Variants in PLCL2 observed in about 807,000 individuals in gnomAD.
PLCL2 encodes the protein phospholipase C like 2, also known as inactive phospholipase C-like protein 2.
PLCL2 carries 4 observed loss-of-function variants against 79.6 expected under a neutral mutation model. The ratio of observed to expected loss-of-function variants is 0.05; its 90% CI spans 0.02 to 0.11. The LOEUF (loss-of-function observed/expected upper bound fraction) is 0.11. Ranked by LOEUF, PLCL2 falls within the 10% of genes least tolerant of loss-of-function variation. The pLI is 1.00. For synonymous variants in PLCL2, 484 were observed against 457.7 expected (o/e 1.06, Z -0.73); for missense variants, 895 against 1,291.0 (o/e 0.69, Z 4.70).
chr3:16,999,351 T>C (rs2064184285), intron 1 of PLCL2, among the ~76,000 whole-genome samples: 1 of 152,208 alleles, frequency 6.6e-6, no homozygotes, highest in South Asian at 2.1e-4. Flanking sequence ...TTTCAACAAA[T>C]CCTAAGTGTT....
intron 1 of PLCL2, among the ~76,000 whole-genome samples, chr3:16,924,973 G>A (rs1246255379): frequency 2.6e-5 from 4 of 151,772 alleles, no homozygotes; most frequent in Non-Finnish European, 4.4e-5. Flanking sequence ...ACCCAGGCTG[G>A]AGTGCAGTGG....
intron 3 of PLCL2, among the ~76,000 whole-genome samples, chr3:17,029,177 G>C (rs1420189262): frequency 1.3e-5 from 2 of 151,848 alleles, no homozygotes; most frequent in Non-Finnish European, 2.9e-5. Flanking sequence ...TGCTTGTAGG[G>C]AGAGAGGGAC....
intron 4 of PLCL2, among the ~76,000 whole-genome samples, chr3:17,056,502 G>A (rs1001981884): frequency 6.6e-6 from 1 of 152,052 alleles, no homozygotes; most frequent in African/African-American, 2.4e-5. Flanking sequence ...GTGAACAAAT[G>A]CATTCTAAGA....
intron 3 of PLCL2, among the ~76,000 whole-genome samples, chr3:17,023,625 A>C (rs534425770): frequency 1.3e-5 from 2 of 152,306 alleles, no homozygotes; most frequent in African/African-American, 4.8e-5. Flanking sequence ...TGTAAGTCAT[A>C]TTAATCCTCC....
rs9833385 is a variant in PLCL2 at position 17,009,129 on chromosome 3, C to T, written c.328-545C>T. On this transcript the variant is annotated intron_variant, in intron 1 of 5. Transcript: ENST00000615277. The surrounding 1 kb of genome is among the most constrained non-coding windows in gnomAD (Gnocchi z 4.0). ...CCTCCCGAGTAGGTGGGATTACAGGCACCCGCCACCATGCCCGGCTAATTT... is the reference window on the plus strand; with the variant it reads ...CCTCCCGAGTAGGTGGGATTACAGGTACCCGCCACCATGCCCGGCTAATTT... 6.6e-6 allele frequency among the ~76,000 whole-genome samples: 1 copy of T among 152,042 alleles called. No individual in the cohort carries two copies. The highest frequency in any genetic ancestry group is 1.5e-5 in the Non-Finnish European group (1 of 68,016).
chr3:16,960,781 A>T (rs1212727773), intron 1 of PLCL2, among the ~76,000 whole-genome samples: 1 of 152,164 alleles, frequency 6.6e-6, no homozygotes, highest in Non-Finnish European at 1.5e-5. Context: ...ACCATTTCCT[A>T]AAAAATATTA....
chr3:17,020,836 GC>G (rs1239462315), intron 3 of PLCL2, among the ~76,000 whole-genome samples: 2 of 152,052 alleles, frequency 1.3e-5, no homozygotes, highest in Non-Finnish European at 2.9e-5. Flanking sequence ...AGAAATGTTG[GC>G]AGTTGACATG....
chr3:16,933,492 C>T (rs986095830), intron 1 of PLCL2, among the ~76,000 whole-genome samples: 1 of 152,228 alleles, frequency 6.6e-6, no homozygotes, highest in Non-Finnish European at 1.5e-5. Context: ...CCCATTTTGA[C>T]TTCACCCACT....
intron 1 of PLCL2, among the ~76,000 whole-genome samples, chr3:16,951,396 A>G (rs543447294): frequency 1.3e-4 from 20 of 152,142 alleles, no homozygotes; most frequent in Non-Finnish European, 2.6e-4. Flanking sequence ...TAATAATTCT[A>G]TCCTTTTTCT....
At chr3:16,947,011 A>C (rs2063607595) in intron 1 of PLCL2, among the ~76,000 whole-genome samples, 1 of 127,078 alleles carries the variant, frequency 7.9e-6, no homozygotes, top group South Asian at 2.5e-4. Flanking sequence ...GCTGGAGTGC[A>C]GTGGCACGGT....
rs1467064602 is a variant in PLCL2 at position 16,895,105 on chromosome 3, T to TAGATATAGATATATGTTGAAA, written c.327+9739_327+9740insAGATATAGATATATGTTGAAA. Among the ~76,000 whole-genome samples the TAGATATAGATATATGTTGAAA allele has an allele frequency of 2.6e-3, 369 of 142,698 alleles. 1 individual carries two copies. Among genetic ancestry groups the TAGATATAGATATATGTTGAAA allele is most frequent in the African/African-American group, 8.7e-3 (349 of 40,304 alleles). The allele number at this position is 142,698 out of a possible 152,430, so 93.6% of individuals were successfully genotyped here. A position where few individuals can be genotyped will look rare whatever the true frequency, so the allele number is the denominator to read the frequency against. Reference sequence around the variant, plus strand: ...ATATATGTTGAAACATGTATCTATATCGATATAGATATATGTTGAAACATG... The same window carrying TAGATATAGATATATGTTGAAA: ...ATATATGTTGAAACATGTATCTATATAGATATAGATATATGTTGAAACGATATAGATATATGTTGAAACATG... On this transcript the variant is annotated intron_variant, in intron 1 of 5. Transcript: ENST00000615277.
intron 1 of PLCL2, among the ~76,000 whole-genome samples, chr3:16,888,006 C>T (rs961012195): frequency 1.3e-5 from 2 of 151,858 alleles, no homozygotes; most frequent in Admixed American, 6.6e-5. Flanking sequence ...GAACTGAGGC[C>T]GGTATTTATG....
At chr3:16,970,872 G>A (rs1263453252) in intron 1 of PLCL2, among the ~76,000 whole-genome samples, 26 of 150,748 alleles carry the variant, frequency 1.7e-4, no homozygotes, top group Non-Finnish European at 3.1e-4. Context: ...TTTGAGAAGT[G>A]TCTGTTCATG....
chr3:17,012,163 G>A lies in PLCL2; in HGVS notation c.2814+3G>A. The A allele has an allele frequency of 6.2e-7, 1 of 1,602,174 alleles. No individual in the cohort carries two copies. The highest frequency in any genetic ancestry group is 8.5e-7 in the Non-Finnish European group (1 of 1,172,892). On this transcript the variant is annotated splice_donor_region_variant and intron_variant, in intron 2 of 5. Coordinates refer to ENST00000615277, the MANE Select transcript of PLCL2 (RefSeq NM_001144382.2). The stretch of plus-strand genomic sequence containing the variant: ...CAGATCTGAGAGAAAACATGCAGGT[G>A]CGTGCTTGTGTTTAATCATTTACTC...
intron 3 of PLCL2, among the ~76,000 whole-genome samples, chr3:17,018,125 A>G (rs1393494409): frequency 2.6e-5 from 4 of 152,156 alleles, no homozygotes; most frequent in African/African-American, 9.7e-5. Flanking sequence ...TGGGATGGAA[A>G]GTGGGAATGA....
At chr3:16,960,509 T>TAG (rs2063745111) in intron 1 of PLCL2, among the ~76,000 whole-genome samples, 1 of 152,232 alleles carries the variant, frequency 6.6e-6, no homozygotes, top group Admixed American at 6.5e-5. Flanking sequence ...TCCCTCCCTC[T>TAG]GTCTCCCACC....
intron 3 of PLCL2, among the ~76,000 whole-genome samples, chr3:17,030,375 T>G (rs2064567624): frequency 6.6e-6 from 1 of 152,206 alleles, no homozygotes; most frequent in Non-Finnish European, 1.5e-5. Flanking sequence ...AAAGGCTGGT[T>G]GCATATAGCT....
chr3:16,923,959 A>G (rs1226600702), intron 1 of PLCL2, among the ~76,000 whole-genome samples: 1 of 152,164 alleles, frequency 6.6e-6, no homozygotes, highest in Non-Finnish European at 1.5e-5. Context: ...CCCTTTAAAA[A>G]GTCATTTTGA....
intron 1 of PLCL2, among the ~76,000 whole-genome samples, chr3:16,952,359 GC>G (rs2063662129): frequency 1.5e-3 from 4 of 2,624 alleles, no homozygotes; most frequent in Non-Finnish European, 2.2e-3. Flanking sequence ...AGAACTTAAA[GC>G]AAAAAAAAAA....
Sources: gnomAD v4.1 joint callset for allele counts (sites outside exome capture counted in the v4.1 genomes callset) on GRCh38, gnomAD v4.1.1 for gene constraint, Gnocchi (gnomAD v3.1) non-coding constraint, MANE v1.5 for transcripts, NCBI Gene and HGNC (gene_info 2026-07-23, HGNC 2026-07-21) for gene names.